The following RAI1 variants were observed in gnomAD, a reference collection of about 807,000 sequenced individuals.
RAI1 encodes retinoic acid-induced protein 1.
In RAI1, 9 loss-of-function variants were observed where a neutral mutation model predicts 123.8. The ratio of observed to expected loss-of-function variants is 0.07; its 90% CI spans 0.04 to 0.13. RAI1 has a LOEUF of 0.13. Ranked by LOEUF, RAI1 falls within the 10% of genes least tolerant of loss-of-function variation. RAI1 has a pLI of 1.00. For synonymous variants in RAI1, 1,231 were observed against 1,127.3 expected, an observed-to-expected ratio of 1.09 and a Z score of -1.84; for missense variants, 2,256 against 2,545.8, an observed-to-expected ratio of 0.89 and a Z score of 2.45.
chr17:17,763,040 A>T (rs2030770457), intron 2 of RAI1, among the ~76,000 whole-genome samples: 1 of 140,282 alleles, frequency 7.1e-6, no homozygotes, highest in Non-Finnish European at 1.6e-5. Flanking sequence ...CCTCAAATGG[A>T]GGCTTTTCTG....
At chr17:17,738,195 A>G (rs1231666705) in intron 2 of RAI1, among the ~76,000 whole-genome samples, 1 of 151,590 alleles carries the variant, frequency 6.6e-6, no homozygotes, top group African/African-American at 2.4e-5. Flanking sequence ...CTGACTCCTG[A>G]CAGAGGAAGG....
At chr17:17,712,689 A>G (rs1312153595) in intron 1 of RAI1, among the ~76,000 whole-genome samples, 1 of 152,158 alleles carries the variant, frequency 6.6e-6, no homozygotes, top group Non-Finnish European at 1.5e-5. Flanking sequence ...TGGCTGAGTG[A>G]TGATGCGGCC....
intron 1 of RAI1, among the ~76,000 whole-genome samples, chr17:17,722,843 C>T (rs1194446760): frequency 1.3e-5 from 2 of 151,538 alleles, no homozygotes; most frequent in Admixed American, 6.6e-5. Flanking sequence ...TCTCCGCCTT[C>T]TCTCTACGCC....
Position 17,685,221 on chromosome 17 carries a change from C to G in RAI1, c.-149+3428C>G, listed in dbSNP as rs1005763641. ...AGCAACGGTGTGCGCAGAGCAGCGT[C>G]TCTGCGGGAGAGGCACCTGGGCACT... On this transcript the variant is annotated intron_variant, in intron 1 of 5. Coordinates refer to ENST00000353383, the MANE Select transcript of RAI1 (RefSeq NM_030665.4). The surrounding 1 kb of genome is among the most constrained non-coding windows in gnomAD (Gnocchi z 4.0). 1.3e-5 allele frequency among the ~76,000 whole-genome samples: 2 copies of G among 152,238 alleles called. No individual in the cohort carries two copies. Among genetic ancestry groups the G allele is most frequent in the African/African-American group, 4.8e-5 (2 of 41,456 alleles).
chr17:17,804,726 C>T lies in RAI1; in HGVS notation c.5659+877C>T, dbSNP rs145069164. Among the ~76,000 whole-genome samples the T allele has an allele frequency of 9.7e-3, 1,482 of 152,200 alleles. 18 individuals carry two copies. Among genetic ancestry groups the T allele is most frequent in the South Asian group, 0.024 (114 of 4,826 alleles). ...CCAAGCTAGAGTGCAGGGGTGCAGTCGTGGCTCACTGCAGCCTTAACCTCC... is the reference window on the plus strand; with the variant it reads ...CCAAGCTAGAGTGCAGGGGTGCAGTTGTGGCTCACTGCAGCCTTAACCTCC... On this transcript the variant is annotated intron_variant, in intron 4 of 5. Coordinates refer to ENST00000353383, the MANE Select transcript of RAI1 (RefSeq NM_030665.4).
Position 17,797,443 on chromosome 17 carries a change from C to G in RAI1, c.4495C>G (p.Pro1499Ala). ...CAACTCTGGTGGAGGAGGCAAGAAG[C>G]CAAAGATGGAGGAGCTGGGCCTGGC... The part of the protein sequence containing the change: ...EDNSGGGGKK[P>A]KMEELGLASQ... The change falls in exon 3 of 6, where the codon CCA becomes GCA. Residue 1499 changes from proline (P) to alanine (A), a missense_variant. By Grantham distance (27) the Pro-to-Ala change is conservative. Coordinates refer to ENST00000353383, the MANE Select transcript of RAI1 (RefSeq NM_030665.4). The G allele has an allele frequency of 6.2e-7, 1 of 1,613,392 alleles. No individual in the cohort carries two copies. Among genetic ancestry groups the G allele is most frequent in the African/African-American group, 1.3e-5 (1 of 75,002 alleles).
chr17:17,735,220 T>C (rs1037811153), intron 2 of RAI1, among the ~76,000 whole-genome samples: 2 of 150,718 alleles, frequency 1.3e-5, no homozygotes, highest in African/African-American at 4.9e-5. Context: ...GCCCAGCTAA[T>C]ATTTTGTATT....
intron 1 of RAI1, among the ~76,000 whole-genome samples, chr17:17,704,564 C>T (rs1915332626): frequency 6.6e-6 from 1 of 152,210 alleles, no homozygotes; most frequent in Non-Finnish European, 1.5e-5. Context: ...ATCTCAACTC[C>T]ATCCTCATGA....
intron 1 of RAI1, among the ~76,000 whole-genome samples, chr17:17,706,571 G>A (rs545460228): frequency 6.6e-6 from 1 of 152,348 alleles, no homozygotes; most frequent in South Asian, 2.1e-4. Flanking sequence ...GAGGGAGCCG[G>A]GGACTGGATG....
chr17:17,695,696 A>G (rs984537472), intron 1 of RAI1, among the ~76,000 whole-genome samples: 3 of 151,696 alleles, frequency 2.0e-5, no homozygotes, highest in Admixed American at 2.0e-4. Flanking sequence ...ATTTTTTTGT[A>G]TTTTTAGTAG....
At position 17,795,252 on chromosome 17, in the gene RAI1, C is replaced by T. The variant is rs753155088; in HGVS notation, c.2304C>T (p.Gly768=). The T allele has an allele frequency of 1.2e-5, 19 of 1,613,882 alleles. 1 individual carries two copies. In the Admixed American group the frequency reaches 1.7e-4, roughly 14 times the overall value. ...WGLHPGELTK[G]LEQGGKASDG... Reference sequence around the variant, plus strand: ...TGCACCCTGGCGAGCTTACCAAGGGCCTGGAGCAGGGTGGGAAGGCCTCAG... The same window carrying T: ...TGCACCCTGGCGAGCTTACCAAGGGTCTGGAGCAGGGTGGGAAGGCCTCAG... Residue 768 remains glycine (G), a synonymous_variant, in exon 3 of 6, where the codon GGC becomes GGT. Transcript: ENST00000353383. This position sits in a 1 kb window ranked among gnomAD's most constrained non-coding sequence, Gnocchi z 5.9.
rs1914410297 is a variant in RAI1 at position 17,681,490 on chromosome 17, G to A, written c.-452G>A. The A allele has an allele frequency of 1.2e-5, 2 of 170,116 alleles. No homozygotes were observed. Among genetic ancestry groups the A allele is most frequent in the South Asian group, 4.0e-4 (2 of 5,030 alleles). The allele number at this position is 170,116 out of a possible 1,614,324, so 10.5% of individuals were successfully genotyped here. ...TCGCGGCACCCGCGGACACCAGGCA[G>A]GCCCGGCCGGGTGCGCGGCCAAGGC... On this transcript the variant is annotated 5_prime_UTR_variant, in exon 1 of 6. Coordinates refer to ENST00000353383, the MANE Select transcript of RAI1 (RefSeq NM_030665.4).
At chr17:17,764,326 T>C (rs1480713458) in intron 2 of RAI1, among the ~76,000 whole-genome samples, 5 of 152,212 alleles carry the variant, frequency 3.3e-5, no homozygotes. Context: ...CACTCGGGTA[T>C]AACTGAAGTT....
chr17:17,698,593 C>A (rs967457326), intron 1 of RAI1, among the ~76,000 whole-genome samples: 1 of 152,210 alleles, frequency 6.6e-6, no homozygotes, highest in African/African-American at 2.4e-5. Flanking sequence ...GGGGGTGGGC[C>A]AGCCTCAGGG....
chr17:17,784,319 C>T (rs2031741124), intron 2 of RAI1, among the ~76,000 whole-genome samples: 1 of 152,224 alleles, frequency 6.6e-6, no homozygotes, highest in Admixed American at 6.5e-5. Flanking sequence ...AGGGGCGGTT[C>T]CGCCTAGGCT....
rs767708787 is a variant in RAI1 at position 17,793,107 on chromosome 17, G to T, written c.159G>T (p.Pro53=). ...TGCTCGCCAAGGACTATTATAACCC[G>T]CAGCCTTACCCGAGCTATGAGGGTG... ...QRLLAKDYYN[P]QPYPSYEGGA... Residue 53 remains proline (P), a synonymous_variant, in exon 3 of 6, where the codon CCG becomes CCT. Coordinates refer to ENST00000353383, the MANE Select transcript of RAI1 (RefSeq NM_030665.4). The T allele has an allele frequency of 6.2e-7, 1 of 1,613,966 alleles. No homozygotes were observed. The highest frequency in any genetic ancestry group is 2.2e-5 in the East Asian group (1 of 44,884).
intron 2 of RAI1, among the ~76,000 whole-genome samples, chr17:17,782,519 G>GC (rs1368707109): frequency 6.6e-6 from 1 of 151,316 alleles, no homozygotes; most frequent in East Asian, 2.0e-4. Flanking sequence ...AGGACCGGGC[G>GC]CATCTGGCAG....
In RAI1 at chr17:17,796,426, C is replaced by T. The variant is rs761044841; in HGVS notation, c.3478C>T (p.Arg1160Trp). 16 of 1,613,356 alleles carry T rather than the reference C, an allele frequency of 9.9e-6. No homozygotes were observed. Among genetic ancestry groups the T allele is most frequent in the African/African-American group, 1.3e-5 (1 of 74,948 alleles). ...AACCCAGGAGATCTTCCACTCCAAG[C>T]GGCGGAGGCCCTCTGAGGGCCGGCT... ...TKTQEIFHSK[R>W]RRPSEGRLPN... Residue 1160 changes from arginine to tryptophan, a missense_variant, in exon 3 of 6, where the codon CGG becomes TGG. Arg to Trp is a moderately radical substitution (Grantham distance 101, BLOSUM62 -3). Transcript: ENST00000353383. The surrounding 1 kb of genome is among the most constrained non-coding windows in gnomAD (Gnocchi z 5.8).
In RAI1 at chr17:17,794,148, A is replaced by G; in HGVS notation, c.1200A>G (p.Pro400=). 1 of 1,613,806 alleles carries G rather than the reference A, an allele frequency of 6.2e-7. No individual in the cohort carries two copies. The highest frequency in any genetic ancestry group is 8.5e-7 in the Non-Finnish European group (1 of 1,180,002). ...TCATGCCCCTGCTCAATCCCTCCCCAACGGATGCCACCAGCTCTGTGGACA... is the reference window on the plus strand; with the variant it reads ...TCATGCCCCTGCTCAATCCCTCCCCGACGGATGCCACCAGCTCTGTGGACA... ...SHFMPLLNPS[P]TDATSSVDTQ... The change falls in exon 3 of 6, where the codon CCA becomes CCG. Residue 400 remains proline, a synonymous_variant. Coordinates refer to ENST00000353383, the MANE Select transcript of RAI1 (RefSeq NM_030665.4).
Sources: gnomAD v4.1 joint callset for allele counts (sites outside exome capture counted in the v4.1 genomes callset) on GRCh38, gnomAD v4.1.1 for gene constraint, Gnocchi (gnomAD v3.1) non-coding constraint, MANE v1.5 for transcripts, NCBI Gene and HGNC (gene_info 2026-07-23, HGNC 2026-07-21) for gene names.